Variants in P2RY8 observed in about 807,000 individuals in gnomAD.
The protein encoded by P2RY8 is S-geranylgeranyl-glutathione receptor P2RY8.
A neutral mutation model predicts 10.0 loss-of-function variants in P2RY8; 6 were observed. The observed-to-expected ratio is 0.60, with a 90% CI of 0.33 to 1.19. P2RY8 has a LOEUF of 1.19. Ranked by LOEUF, P2RY8 falls within the 50% of genes most tolerant of loss-of-function variation. The probability of loss-of-function intolerance (pLI) is 0.04; values close to 1 mark genes in which losing one functional copy is unlikely to be tolerated. For missense variants in P2RY8, 456 were observed against 542.0 expected (o/e 0.84, Z 1.58); for synonymous variants, 276 against 252.5 (o/e 1.09, Z -0.88).
intron 1 of P2RY8, among the ~76,000 whole-genome samples, chrX:1,509,741 GTATCTATCTGTCTATCTATCTATCTATC>G (rs2092281206): frequency 5.1e-5 from 2 of 39,012 alleles, no homozygotes; most frequent in African/African-American, 2.2e-4. Context: ...ATCTATCTAT[GTATCTATCTGTCTATCTATCTATCTATC>G]TATCTATCTA....
chrX:1,515,946 TC>T lies in P2RY8; in HGVS notation c.-25+20974del, dbSNP rs1238311313. Among the ~76,000 whole-genome samples, 599 of 77,932 alleles carry T rather than the reference TC, an allele frequency of 7.7e-3. 60 individuals are homozygous for T. The highest frequency in any genetic ancestry group is 0.055 in the East Asian group (103 of 1,856). 51.1% of individuals were successfully genotyped at this position (77,932 alleles called of 152,430 possible). A position where few individuals can be genotyped will look rare whatever the true frequency, so the allele number is the denominator to read the frequency against. ...CCCAGCACTTTGGGAGGCCGAGGGG[TC>T]GGGGGGTGGTGGATCACCTGAGGTC... On this transcript the variant is annotated intron_variant, in intron 1 of 1. Transcript: ENST00000381297.
intron 1 of P2RY8, among the ~76,000 whole-genome samples, chrX:1,506,971 C>T (rs1287782073): frequency 6.2e-5 from 3 of 48,144 alleles, no homozygotes; most frequent in Non-Finnish European, 1.6e-4. Flanking sequence ...CCACCGCGCC[C>T]GGCCACTTTC....
At chrX:1,511,184 A>G (rs1385521196) in intron 1 of P2RY8, among the ~76,000 whole-genome samples, 3 of 152,180 alleles carry the variant, frequency 2.0e-5, no homozygotes, top group Non-Finnish European at 2.9e-5. Context: ...TGTCTCAAAA[A>G]GAAAAAGAAA....
At chrX:1,528,852 TTGAA>T (rs1238192448) in intron 1 of P2RY8, among the ~76,000 whole-genome samples, 1 of 152,170 alleles carries the variant, frequency 6.6e-6, no homozygotes, top group Non-Finnish European at 1.5e-5. Context: ...TTGAGTCTCT[TTGAA>T]TGAGTGTGGA....
chrX:1,533,644 A>G (rs1464842384), intron 1 of P2RY8, among the ~76,000 whole-genome samples: 1 of 124,896 alleles, frequency 8.0e-6, no homozygotes, highest in Non-Finnish European at 1.6e-5. Flanking sequence ...TTACATATTT[A>G]TTATTTACAT....
chrX:1,521,831 G>A (rs2092393780), intron 1 of P2RY8, among the ~76,000 whole-genome samples: 1 of 151,674 alleles, frequency 6.6e-6, no homozygotes, highest in African/African-American at 2.4e-5. Context: ...CCTAATTCCT[G>A]TGCAGCCCGA....
chrX:1,516,938 C>T (rs1431047099), intron 1 of P2RY8, among the ~76,000 whole-genome samples: 1 of 151,690 alleles, frequency 6.6e-6, no homozygotes, highest in Non-Finnish European at 1.5e-5. Flanking sequence ...GTATAAGCCA[C>T]GCAGTCTATG....
chrX:1,516,676 G>T (rs1295654628), intron 1 of P2RY8, among the ~76,000 whole-genome samples: 8 of 151,594 alleles, frequency 5.3e-5, no homozygotes, highest in Non-Finnish European at 1.0e-4. Context: ...GATTGTGGGA[G>T]AATCAACGTT....
At chrX:1,531,377 C>T (rs768668989) in intron 1 of P2RY8, among the ~76,000 whole-genome samples, 6 of 152,256 alleles carry the variant, frequency 3.9e-5, no homozygotes, top group Admixed American at 1.3e-4. Flanking sequence ...TCTGTCCTTG[C>T]CCCATCTTCC....
intron 1 of P2RY8, among the ~76,000 whole-genome samples, chrX:1,533,836 T>A (rs1411124393): frequency 8.3e-6 from 1 of 120,268 alleles, no homozygotes; most frequent in Non-Finnish European, 1.6e-5. Context: ...TATATACTTA[T>A]ATTTATTTAA....
In P2RY8 at chrX:1,534,098, T is replaced by TTATATATAATATATTTACATATATTATA. The variant is rs1482838210; in HGVS notation, c.-25+2795_-25+2822dup. 1.4e-4 allele frequency among the ~76,000 whole-genome samples: 18 copies of TTATATATAATATATTTACATATATTATA among 131,910 alleles called. No homozygotes were observed. In the South Asian group the frequency reaches 1.7e-3, roughly 13 times the overall value. The allele number at this position is 131,910 out of a possible 152,430, so 86.5% of individuals were successfully genotyped here. On this transcript the variant is annotated intron_variant, in intron 1 of 1. Transcript: ENST00000381297. ...ATATATAATATATTTACATATATAT[T>TTATATATAATATATTTACATATATTATA]TATATATAATATATTTACATATATT...
Position 1,466,183 on chromosome X carries a change from G to A in P2RY8, c.376C>T (p.Leu126=), listed in dbSNP as rs150217316. ...CAGCGCTTGGAGCTGAGCGGGTACA[G>A]GACCCCCAGGAAGCGCTCCACGCTG... ...CISVERFLGV[L]YPLSSKRWRR... is the part of the protein sequence containing the mutation. The change falls in exon 2 of 2, where the codon CTG becomes TTG. Residue 126 remains leucine, a synonymous_variant. Transcript: ENST00000381297. The A allele has an allele frequency of 5.8e-4, 933 of 1,612,612 alleles. 4 individuals carry two copies. In the African/African-American group the frequency reaches 9.6e-3, roughly 17 times the overall value.
At chrX:1,505,194 A>T (rs2092221040) in intron 1 of P2RY8, among the ~76,000 whole-genome samples, 1 of 151,978 alleles carries the variant, frequency 6.6e-6, no homozygotes, top group African/African-American at 2.4e-5. Context: ...GGAAACGTGA[A>T]TCAGGGCGTC....
intron 1 of P2RY8, among the ~76,000 whole-genome samples, chrX:1,529,368 C>A (rs1347550564): frequency 6.6e-6 from 1 of 152,156 alleles, no homozygotes; most frequent in Non-Finnish European, 1.5e-5. Flanking sequence ...CTTGCTTCTC[C>A]TTCCAGGTCT....
At chrX:1,504,494 C>T (rs1246677965) in intron 1 of P2RY8, among the ~76,000 whole-genome samples, 2 of 152,172 alleles carry the variant, frequency 1.3e-5, no homozygotes, top group Non-Finnish European at 2.9e-5. Context: ...ATAGGTTTCA[C>T]TTCCTGCTAC....
In P2RY8 at chrX:1,465,055, C is replaced by A. The variant is rs1180620526; in HGVS notation, c.*424G>T. 3.8e-6 allele frequency: 1 copy of A among 262,242 alleles called. No homozygotes were observed. The allele number at this position is 262,242 out of a possible 1,614,324, so 16.2% of individuals were successfully genotyped here. On this transcript the variant is annotated 3_prime_UTR_variant, in exon 2 of 2. Coordinates refer to ENST00000381297, the MANE Select transcript of P2RY8 (RefSeq NM_178129.5). ...CACGGAGGATATCCAGAAACCGAGT[C>A]GGGTAGGCGGTGGGGCTGGTTGAAT...
intron 1 of P2RY8, among the ~76,000 whole-genome samples, chrX:1,489,015 C>T (rs1361879476): frequency 6.6e-6 from 1 of 151,886 alleles, no homozygotes; most frequent in African/African-American, 2.4e-5. Context: ...CTAGGATTCA[C>T]TCCCACAAAT....
At chrX:1,490,735 T>C (rs1465944706) in intron 1 of P2RY8, among the ~76,000 whole-genome samples, 2 of 148,220 alleles carry the variant, frequency 1.3e-5, no homozygotes, top group East Asian at 4.1e-4. Flanking sequence ...TCCCCACAAA[T>C]GTGGGGGGAA....
intron 1 of P2RY8, among the ~76,000 whole-genome samples, chrX:1,531,368 C>T: frequency 6.6e-6 from 1 of 152,170 alleles, no homozygotes; most frequent in East Asian, 1.9e-4. Flanking sequence ...ATCCCAAGAT[C>T]TGTCCTTGCC....
Sources: allele counts gnomAD v4.1 joint callset (sites outside exome capture counted in the v4.1 genomes callset), GRCh38; gene constraint gnomAD v4.1.1; transcripts MANE v1.5; gene names NCBI Gene and HGNC (gene_info 2026-07-23, HGNC 2026-07-21).